FRMD1: variants seen among roughly 807,000 people sequenced by gnomAD.
FRMD1 encodes the protein FERM domain-containing protein 1.
Under a neutral mutation model 54.9 loss-of-function variants are expected in FRMD1, and 51 were observed. The observed-to-expected ratio is 0.93, with a 90% CI of 0.74 to 1.17. The LOEUF is 1.17. FRMD1 is among the 50% of genes most tolerant of loss of function. The probability of loss-of-function intolerance (pLI) is 0.00; values close to 1 mark genes in which losing one functional copy is unlikely to be tolerated. For synonymous variants in FRMD1, 324 were observed against 306.4 expected (o/e 1.06, Z -0.60); for missense variants, 729 against 743.0 (o/e 0.98, Z 0.22).
In FRMD1 at chr6:168,079,199, C is replaced by G. The variant is rs1035341805; in HGVS notation, c.-105G>C. On this transcript the variant is annotated 5_prime_UTR_variant, in exon 1 of 11. Transcript: ENST00000283309. ...GGACCCGCCCTTGCCGAGCTTCTCA[C>G]TGGGAAGGGAATTGAGAGGGAAGCC... is the stretch of plus-strand genomic sequence containing the variant. 1 of 1,426,700 alleles carries G rather than the reference C, an allele frequency of 7.0e-7. No homozygotes were observed. Among genetic ancestry groups the G allele is most frequent in the Non-Finnish European group, 9.2e-7 (1 of 1,090,952 alleles). The allele number at this position is 1,426,700 out of a possible 1,614,324, so 88.4% of individuals were successfully genotyped here.
At chr6:168,085,626 G>A (rs10455755), upstream of FRMD1, among the ~76,000 whole-genome samples, 104,086 of 151,890 alleles carry the variant, frequency 0.69, 35,709 homozygotes, top group Middle Eastern at 0.81. Flanking sequence ...GGACCAAGGA[G>A]GCCTGGACGG....
Position 168,061,920 on chromosome 6 carries a change from G to A in FRMD1, c.932C>T (p.Thr311Met), listed in dbSNP as rs779087189. Residue 311 changes from threonine (T) to methionine (M), a missense_variant, in exon 8 of 11, where the codon ACG becomes ATG. Coordinates refer to ENST00000283309, the MANE Select transcript of FRMD1 (RefSeq NM_024919.6). ...LPAAQKLVYY[T>M]GCTWRSRHLL... is the part of the protein sequence containing the mutation. Reference sequence around the variant, plus strand: ...GTGCCTGGACCGCCAGGTGCACCCCGTGTAGTAAACCAGCTTCTGTGCTGC... The same window carrying A: ...GTGCCTGGACCGCCAGGTGCACCCCATGTAGTAAACCAGCTTCTGTGCTGC... 34 of 1,599,674 alleles carry A rather than the reference G, an allele frequency of 2.1e-5. No homozygotes were observed. The highest frequency in any genetic ancestry group is 2.0e-4 in the Middle Eastern group (1 of 4,958).
At position 168,063,630 on chromosome 6, in the gene FRMD1, C is replaced by G. The variant is rs143138869; in HGVS notation, c.775G>C (p.Val259Leu). The change falls in exon 6 of 11, where the codon GTG (valine) becomes CTG (leucine). Residue 259 changes from valine to leucine, a missense_variant. Val to Leu is a conservative substitution (Grantham distance 32). Coordinates refer to ENST00000283309, the MANE Select transcript of FRMD1 (RefSeq NM_024919.6). ...TGCAGCCTGAAGAAGTGCACGGGCA[C>G]GTCCTCCAGCCGGCAGGCCTCCTGG... is the stretch of plus-strand genomic sequence containing the variant. ...FIQEACRLED[V>L]PVHFFRLHKD... is the part of the protein sequence containing the mutation. 1.2e-6 allele frequency: 2 copies of G among 1,613,040 alleles called. No individual in the cohort carries two copies. Among genetic ancestry groups the G allele is most frequent in the Admixed American group, 1.7e-5 (1 of 59,952 alleles).
At position 168,088,643 on chromosome 6, in the gene FRMD1, G is replaced by A. The variant is rs1019433112; in HGVS notation, c.-11-9619C>T. 3.3e-5 allele frequency among the ~76,000 whole-genome samples: 5 copies of A among 152,300 alleles called. No individual in the cohort carries two copies. The East Asian group carries it at 7.7e-4, about 24-fold the overall frequency. Reference sequence around the variant, plus strand: ...GCCAGAGGCTCAGGCAGGGTCAGCTGCAGCCAGGCAGGTGGGAGGGCTGTG... The same window carrying A: ...GCCAGAGGCTCAGGCAGGGTCAGCTACAGCCAGGCAGGTGGGAGGGCTGTG... On this transcript the variant is annotated intron_variant, in intron 1 of 12. Transcript: ENST00000644440.
At chr6:168,068,219 C>G (rs1038392115) in intron 2 of FRMD1, among the ~76,000 whole-genome samples, 3 of 152,152 alleles carry the variant, frequency 2.0e-5, no homozygotes, top group Non-Finnish European at 4.4e-5. Flanking sequence ...CCTGGTTTCC[C>G]TGGAAACTAT....
rs777032841 is a variant in FRMD1, at chr6:168,066,755, C to A, written c.461G>T (p.Ser154Ile). 6.2e-7 allele frequency: 1 copy of A among 1,613,806 alleles called. No individual in the cohort carries two copies. Among genetic ancestry groups the A allele is most frequent in the Non-Finnish European group, 8.5e-7 (1 of 1,179,944 alleles). Residue 154 changes from serine to isoleucine, a missense_variant and splice_region_variant, in exon 4 of 11, where the codon AGC becomes ATC. Coordinates refer to ENST00000283309, the MANE Select transcript of FRMD1 (RefSeq NM_024919.6). ...CCCCTTACAGTCCGCATGCCGTTAC[C>A]TTATGACCCTTCCGTTTTCCACGTA... Reference protein sequence around the residue: ...QHYVENGRVISDHRARHLYYC... With the variant: ...QHYVENGRVIIDHRARHLYYC...
intron 1 of FRMD1, among the ~76,000 whole-genome samples, chr6:168,090,592 G>A (rs1289822423): frequency 1.3e-5 from 2 of 152,182 alleles, no homozygotes; most frequent in African/African-American, 2.4e-5. Flanking sequence ...GGCTGCATAC[G>A]GCGTTTAGAG....
At position 168,079,012 on chromosome 6, in the gene FRMD1, A is replaced by G. The variant is rs1193213962; in HGVS notation, c.83T>C (p.Met28Thr). 1.2e-6 allele frequency: 2 copies of G among 1,612,110 alleles called. No homozygotes were observed. The highest frequency in any genetic ancestry group is 1.7e-6 in the Non-Finnish European group (2 of 1,179,934). ...DTFPPSGARC[M>T]EPSPERPACS... ...TGCAGGCCTCTCAGGACTGGGTTCC[A>G]TACATCGCGCCCCTGAAGGAGGGAA... The change falls in exon 1 of 11, where the codon ATG becomes ACG. Residue 28 changes from methionine to threonine, a missense_variant. Coordinates refer to ENST00000283309, the MANE Select transcript of FRMD1 (RefSeq NM_024919.6).
At chr6:168,078,767 G>T (rs1230989781) in intron 1 of FRMD1, 115 bp downstream of exon 1, 1 of 66,440 alleles carries the variant, frequency 1.5e-5, no homozygotes, top group Admixed American at 2.5e-4. Context: ...AGGCCATCCA[G>T]GGCCCTGCTC....
At chr6:168,071,449 G>A (rs1172484834) in intron 2 of FRMD1, among the ~76,000 whole-genome samples, 2 of 152,198 alleles carry the variant, frequency 1.3e-5, no homozygotes, top group Admixed American at 6.5e-5. Flanking sequence ...AAGGCCCTGG[G>A]GCCACAGGGC....
At chr6:168,075,360 C>T in intron 1 of FRMD1, 25 bp from the exon 2 acceptor site, 7 of 1,597,312 alleles carry the variant, frequency 4.4e-6, no homozygotes, top group Non-Finnish European at 6.0e-6. Context: ...GGGAGGGGTT[C>T]AGGGAGGGGC....
At chr6:168,084,154 C>T (rs1056819048), upstream of FRMD1, among the ~76,000 whole-genome samples, 4 of 152,160 alleles carry the variant, frequency 2.6e-5, no homozygotes, top group African/African-American at 9.7e-5. Flanking sequence ...ACCCCGTTTT[C>T]AGGGGTCTGC....
chr6:168,057,075 G>T lies in FRMD1; in HGVS notation c.*22C>A. On this transcript the variant is annotated 3_prime_UTR_variant, in exon 11 of 11. Coordinates refer to ENST00000283309, the MANE Select transcript of FRMD1 (RefSeq NM_024919.6). ...AGGGGCTGAGCCTGGCGGTGCGGAC[G>T]GTACTGCTGGGTGGGTGGTGCCTAC... The T allele has an allele frequency of 1.4e-6, 2 of 1,452,634 alleles. No individual in the cohort carries two copies. Among genetic ancestry groups the T allele is most frequent in the South Asian group, 1.5e-5 (1 of 67,814 alleles). 90.0% of individuals were successfully genotyped at this position (1,452,634 alleles called of 1,614,324 possible). A position where few individuals can be genotyped will look rare whatever the true frequency, so the allele number is the denominator to read the frequency against.
At chr6:168,062,473 G>A (rs3734901) in intron 7 of FRMD1, among the ~76,000 whole-genome samples, 7,141 of 152,326 alleles carry the variant, frequency 0.047, 262 homozygotes, top group East Asian at 0.17. Flanking sequence ...AGACCTCACC[G>A]GGCAGCTAAA....
chr6:168,063,628 C>T lies in FRMD1; in HGVS notation c.777G>A (p.Val259=), dbSNP rs779664136. The T allele has an allele frequency of 3.0e-5, 49 of 1,612,828 alleles. No individual in the cohort carries two copies. The highest frequency in any genetic ancestry group is 3.9e-5 in the Non-Finnish European group (46 of 1,179,536). The change falls in exon 6 of 11, where the codon GTG becomes GTA. Residue 259 remains valine (V), a synonymous_variant. Transcript: ENST00000283309. ...FIQEACRLED[V]PVHFFRLHKD... ...TGTGCAGCCTGAAGAAGTGCACGGG[C>T]ACGTCCTCCAGCCGGCAGGCCTCCT...
chr6:168,081,157 G>A (rs1800819237), upstream of FRMD1, among the ~76,000 whole-genome samples: 1 of 152,166 alleles, frequency 6.6e-6, no homozygotes, highest in Non-Finnish European at 1.5e-5. Flanking sequence ...AGCCCCCGTT[G>A]TATTCCTGGG....
At chr6:168,081,343 C>T (rs1408140601), upstream of FRMD1, 1 of 1,524,780 alleles carries the variant, frequency 6.6e-7, no homozygotes, top group Non-Finnish European at 8.8e-7. Context: ...CTGACCCCAC[C>T]TCTGAATGTC....
Position 168,053,878 on chromosome 6 carries a change from T to G in FRMD1, c.*3219A>C, listed in dbSNP as rs1360215472. The G allele has an allele frequency of 6.6e-6, 1 of 152,150 alleles. No homozygotes were observed. Among genetic ancestry groups the G allele is most frequent in the Non-Finnish European group, 1.5e-5 (1 of 68,068 alleles). The allele number at this position is 152,150 out of a possible 1,614,324, so 9.4% of individuals were successfully genotyped here. A position where few individuals can be genotyped will look rare whatever the true frequency, so the allele number is the denominator to read the frequency against. ...AGATGGGCACCTGAGGACCCCGGCCTCCTCCTCCTGCTTGGGGTTCAGCCC... is the reference window on the plus strand; with the variant it reads ...AGATGGGCACCTGAGGACCCCGGCCGCCTCCTCCTGCTTGGGGTTCAGCCC... On this transcript the variant is annotated 3_prime_UTR_variant, in exon 11 of 11. Transcript: ENST00000283309.
chr6:168,075,367 G>T, intron 1 of FRMD1, 32 bp from the exon 2 acceptor site: 1 of 1,584,866 alleles, frequency 6.3e-7, no homozygotes. Context: ...GTTCAGGGAG[G>T]GGCCGGCACC....
Sources: gnomAD v4.1 joint callset for allele counts (sites outside exome capture counted in the v4.1 genomes callset) on GRCh38, gnomAD v4.1.1 for gene constraint, MANE v1.5 for transcripts, NCBI Gene and HGNC (gene_info 2026-07-23, HGNC 2026-07-21) for gene names.